PXDNL: variants seen among roughly 807,000 people sequenced by gnomAD.
PXDNL encodes the protein peroxidasin like.
A neutral mutation model predicts 150.8 loss-of-function variants in PXDNL; 145 were observed. The ratio of observed to expected loss-of-function variants is 0.96; its 90% confidence interval spans 0.84 to 1.10. The LOEUF (loss-of-function observed/expected upper bound fraction) is 1.10. Ranked by LOEUF, PXDNL falls within the 50% of genes least tolerant of loss-of-function variation. The probability of loss-of-function intolerance (pLI) is 0.00; values close to 1 mark genes in which losing one functional copy is unlikely to be tolerated. For missense variants in PXDNL, 2,087 were observed against 1,873.9 expected (o/e 1.11, Z -2.10); for synonymous variants, 757 against 725.7 (o/e 1.04, Z -0.69).
intron 2 of PXDNL, among the ~76,000 whole-genome samples, chr8:51,594,487 G>A (rs1813520168): frequency 6.6e-6 from 1 of 152,094 alleles, no homozygotes; most frequent in Non-Finnish European, 1.5e-5. Context: ...TGTGCTTGAA[G>A]CCTAGGTTTC....
intron 6 of PXDNL, among the ~76,000 whole-genome samples, chr8:51,480,553 T>C (rs1048166695): frequency 5.9e-5 from 9 of 152,158 alleles, no homozygotes; most frequent in Non-Finnish European, 1.2e-4. Context: ...GGGATTACAA[T>C]TGCACATGAG....
chr8:51,345,096 G>A (rs1355095751), intron 20 of PXDNL, among the ~76,000 whole-genome samples: 1 of 152,186 alleles, frequency 6.6e-6, no homozygotes, highest in Non-Finnish European at 1.5e-5. Flanking sequence ...AACAAAAATA[G>A]GATACATGGT....
chr8:51,751,807 TCTTGTAGGATTGTACTTTC>T (rs1563309825), intron 1 of PXDNL, among the ~76,000 whole-genome samples: 1 of 152,178 alleles, frequency 6.6e-6, no homozygotes, highest in Non-Finnish European at 1.5e-5. Context: ...AAAAGTAAAT[TCTTGTAGGATTGTACTTTC>T]CTTCTAATTT....
At chr8:51,636,432 T>C (rs751455051) in intron 2 of PXDNL, among the ~76,000 whole-genome samples, 4 of 152,176 alleles carry the variant, frequency 2.6e-5, no homozygotes, top group South Asian at 2.1e-4. Flanking sequence ...TGGCATAATG[T>C]GTATCTAGAA....
At chr8:51,641,312 A>G (rs1234001657) in intron 2 of PXDNL, among the ~76,000 whole-genome samples, 2 of 151,106 alleles carry the variant, frequency 1.3e-5, no homozygotes, top group African/African-American at 2.5e-5. Flanking sequence ...TTCATGTCTA[A>G]AACACCAAAG....
chr8:51,361,600 A>C (rs560915365), intron 19 of PXDNL, among the ~76,000 whole-genome samples: 2 of 152,336 alleles, frequency 1.3e-5, no homozygotes, highest in East Asian at 3.9e-4. Context: ...ATCTTACTAA[A>C]GGTAATTTAA....
intron 17 of PXDNL, among the ~76,000 whole-genome samples, chr8:51,386,370 C>T (rs1807712036): frequency 6.6e-6 from 1 of 152,088 alleles, no homozygotes; most frequent in Non-Finnish European, 1.5e-5. Context: ...GGATTACAGG[C>T]GTGAGCCACT....
At chr8:51,400,731 A>C (rs1808223312) in intron 17 of PXDNL, among the ~76,000 whole-genome samples, 1 of 152,060 alleles carries the variant, frequency 6.6e-6, no homozygotes, top group Admixed American at 6.5e-5. Flanking sequence ...AACTTTTTGA[A>C]ATTGGGGTTA....
intron 16 of PXDNL, among the ~76,000 whole-genome samples, chr8:51,410,896 G>C (rs1808617291): frequency 6.6e-6 from 1 of 152,180 alleles, no homozygotes; most frequent in Non-Finnish European, 1.5e-5. Flanking sequence ...AATGATTCAG[G>C]TGATTGAAAG....
At chr8:51,646,198 A>G (rs765000369) in intron 2 of PXDNL, among the ~76,000 whole-genome samples, 1 of 152,168 alleles carries the variant, frequency 6.6e-6, no homozygotes, top group Non-Finnish European at 1.5e-5. Context: ...GTGTCCTTAT[A>G]AGGAGAGGAA....
chr8:51,357,154 T>C (rs1285122954), intron 19 of PXDNL, among the ~76,000 whole-genome samples: 1 of 152,208 alleles, frequency 6.6e-6, no homozygotes, highest in Non-Finnish European at 1.5e-5. Context: ...GAATATCCCA[T>C]TATTTGAATC....
At chr8:51,528,321 G>A (rs990973425) in intron 4 of PXDNL, among the ~76,000 whole-genome samples, 2 of 152,108 alleles carry the variant, frequency 1.3e-5, no homozygotes, top group African/African-American at 4.8e-5. Flanking sequence ...TCACCATAGT[G>A]CTATTTGCAA....
At chr8:51,469,861 C>A (rs1451044455) in intron 8 of PXDNL, among the ~76,000 whole-genome samples, 3 of 152,042 alleles carry the variant, frequency 2.0e-5, no homozygotes, top group Non-Finnish European at 4.4e-5. Context: ...TCTTCTCTTT[C>A]ATCTTTAATT....
intron 6 of PXDNL, 45 bp downstream of exon 6, chr8:51,483,598 G>T: frequency 8.3e-7 from 1 of 1,204,648 alleles, no homozygotes; most frequent in South Asian, 1.4e-5. Context: ...GATTTTGGAG[G>T]AAATTATAAA....
At chr8:51,353,046 A>G (rs1806400667) in intron 19 of PXDNL, among the ~76,000 whole-genome samples, 3 of 151,930 alleles carry the variant, frequency 2.0e-5, no homozygotes, top group African/African-American at 4.8e-5. Flanking sequence ...ATGTCTCAAG[A>G]CTCCAAGAAA....
chr8:51,499,682 A>G lies in PXDNL; in HGVS notation c.452+17T>C. On this transcript the variant is annotated intron_variant, in intron 5 of 22. Transcript: ENST00000356297. Reference sequence around the variant, plus strand: ...TGTAAAGCAGAAGCAAAGGACATCTAAAGGGTCAACACTTACAGTCGCTCT... The same window carrying G: ...TGTAAAGCAGAAGCAAAGGACATCTGAAGGGTCAACACTTACAGTCGCTCT... The G allele has an allele frequency of 6.4e-7, 1 of 1,574,596 alleles. No individual in the cohort carries two copies. The highest frequency in any genetic ancestry group is 8.7e-7 in the Non-Finnish European group (1 of 1,144,360).
intron 17 of PXDNL, among the ~76,000 whole-genome samples, chr8:51,391,000 G>T (rs1422381043): frequency 3.9e-5 from 6 of 151,942 alleles, no homozygotes; most frequent in African/African-American, 9.7e-5. Context: ...GCGGTGTTTG[G>T]TTTTTTGTCC....
chr8:51,647,733 C>T (rs1023858866), intron 2 of PXDNL, among the ~76,000 whole-genome samples: 1 of 152,086 alleles, frequency 6.6e-6, no homozygotes. Flanking sequence ...GCATCAGTGT[C>T]CTCAGCTATA....
intron 4 of PXDNL, among the ~76,000 whole-genome samples, chr8:51,518,326 G>A (rs1002201534): frequency 6.6e-6 from 1 of 152,108 alleles, no homozygotes; most frequent in Non-Finnish European, 1.5e-5. Context: ...CTGTTCTCAA[G>A]GAGCACACAA....
Sources: allele counts gnomAD v4.1 joint callset (sites outside exome capture counted in the v4.1 genomes callset), GRCh38; gene constraint gnomAD v4.1.1; transcripts MANE v1.5; gene names NCBI Gene and HGNC (gene_info 2026-07-23, HGNC 2026-07-21).